Variants in ZNF710 observed in about 807,000 individuals in gnomAD.
ZNF710 encodes the protein zinc finger protein 710.
In ZNF710, 13 loss-of-function variants were observed where a neutral mutation model predicts 50.6. The ratio of observed to expected loss-of-function variants is 0.26; its 90% CI spans 0.17 to 0.41. ZNF710 has a LOEUF of 0.41. ZNF710 is among the 10% of genes least tolerant of loss of function. The pLI is 1.00. For missense variants in ZNF710, 721 were observed against 936.6 expected (o/e 0.77, Z 3.01); for synonymous variants, 383 against 397.0 (o/e 0.96, Z 0.42).
At chr15:90,077,650 G>A (rs954183794) in intron 4 of ZNF710, among the ~76,000 whole-genome samples, 13 of 152,306 alleles carry the variant, frequency 8.5e-5, no homozygotes, top group African/African-American at 3.1e-4. Flanking sequence ...TATGGGTCAA[G>A]TGACCTTGTT....
rs569888388 is a variant in ZNF710, at chr15:90,040,207, C to T, written c.-28-26903C>T. Among the ~76,000 whole-genome samples, 1 of 152,352 alleles carries T rather than the reference C, an allele frequency of 6.6e-6. No homozygotes were observed. The highest frequency in any genetic ancestry group is 2.4e-5 in the African/African-American group (1 of 41,582). The stretch of plus-strand genomic sequence containing the variant: ...GCCTCAGGCCTGTGCACTGTGGCCA[C>T]TGCCTCCTCTGCACGTAGATCATAC... On this transcript the variant is annotated intron_variant, in intron 1 of 4. Transcript: ENST00000268154. The surrounding 1 kb of genome is among the most constrained non-coding windows in gnomAD (Gnocchi z 4.6).
At chr15:90,054,179 A>G (rs1314925679) in intron 1 of ZNF710, among the ~76,000 whole-genome samples, 1 of 152,152 alleles carries the variant, frequency 6.6e-6, no homozygotes, top group Non-Finnish European at 1.5e-5. Context: ...GTACACTGCG[A>G]TGAGGGGAGA....
intron 1 of ZNF710, among the ~76,000 whole-genome samples, chr15:90,065,688 A>G (rs966061474): frequency 6.6e-6 from 1 of 152,166 alleles, no homozygotes; most frequent in African/African-American, 2.4e-5. Flanking sequence ...CCAGCGAGGG[A>G]AGAGGCCGCT....
chr15:90,001,864 G>A (rs951547731), intron 1 of ZNF710, among the ~76,000 whole-genome samples: 1 of 138,254 alleles, frequency 7.2e-6, no homozygotes, highest in Admixed American at 7.1e-5. Flanking sequence ...GGGGAAAGAG[G>A]GAGAGATGGC....
rs11424945 is a variant in ZNF710 at position 90,074,000 on chromosome 15, CA to C, written c.1651-104del. On this transcript the variant is annotated intron_variant, in intron 3 of 4. Coordinates refer to ENST00000268154, the MANE Select transcript of ZNF710 (RefSeq NM_198526.4). ...GTGAGAGTCTGTCTCAAAAAAAAAA[CA>C]AAAAAAAAAAACAAAAGAATAGGAT... 5,656 of 799,438 alleles carry C rather than the reference CA, an allele frequency of 7.1e-3. 2 individuals are homozygous for C. The highest frequency in any genetic ancestry group is 8.1e-3 in the Non-Finnish European group (4,723 of 583,954). The allele number at this position is 799,438 out of a possible 1,614,324, so 49.5% of individuals were successfully genotyped here.
rs77346145 is a variant in ZNF710 at position 90,007,540 on chromosome 15, A to G, written c.-29+5926A>G. ...AGATTGCGGCTCTAAGAATTTGTCA[A>G]ATGTCTTACTGGACTAACCTCACCC... On this transcript the variant is annotated intron_variant, in intron 1 of 4. Coordinates refer to ENST00000268154, the MANE Select transcript of ZNF710 (RefSeq NM_198526.4). Among the ~76,000 whole-genome samples, 881 of 152,092 alleles carry G rather than the reference A, an allele frequency of 5.8e-3. 9 individuals carry two copies. The highest frequency in any genetic ancestry group is 0.021 in the African/African-American group (853 of 41,486).
At chr15:90,053,417 C>T (rs1285695364) in intron 1 of ZNF710, among the ~76,000 whole-genome samples, 4 of 151,534 alleles carry the variant, frequency 2.6e-5, no homozygotes, top group East Asian at 3.9e-4. Flanking sequence ...GGTGTGATCA[C>T]GGCTCACTGC....
At chr15:90,064,303 G>A (rs1900103025) in intron 1 of ZNF710, among the ~76,000 whole-genome samples, 4 of 152,260 alleles carry the variant, frequency 2.6e-5, no homozygotes, top group Admixed American at 2.6e-4. Flanking sequence ...CCAGGCACAA[G>A]CCCTAACCCA....
In ZNF710 at chr15:90,079,999, C is replaced by CT. The variant is rs1900683996; in HGVS notation, c.*171dup. ...TAGGGACCTTTAGACCAAATGGAGA[C>CT]TGTACTACTGGCCCCGGCTGTGAGC... is the stretch of plus-strand genomic sequence containing the variant. On this transcript the variant is annotated 3_prime_UTR_variant, in exon 5 of 5. Coordinates refer to ENST00000268154, the MANE Select transcript of ZNF710 (RefSeq NM_198526.4). 1.7e-6 allele frequency: 1 copy of CT among 595,448 alleles called. No homozygotes were observed. 36.9% of individuals were successfully genotyped at this position (595,448 alleles called of 1,614,324 possible).
intron 1 of ZNF710, among the ~76,000 whole-genome samples, chr15:90,049,001 G>A (rs879590224): frequency 4.6e-5 from 7 of 152,148 alleles, no homozygotes; most frequent in Non-Finnish European, 7.4e-5. Flanking sequence ...TTTTCCAAGT[G>A]TTCGTCCTCT....
intron 1 of ZNF710, chr15:90,045,446 G>A (rs1899429767): frequency 4.2e-6 from 4 of 963,632 alleles, no homozygotes; most frequent in Non-Finnish European, 4.9e-6. Context: ...GCTCTAGTGA[G>A]GTCAACACTG....
At chr15:90,031,962 C>T (rs993596463) in intron 1 of ZNF710, among the ~76,000 whole-genome samples, 3 of 152,236 alleles carry the variant, frequency 2.0e-5, no homozygotes, top group African/African-American at 7.2e-5. Flanking sequence ...GGAAGCCATC[C>T]AGCTACTAAC....
chr15:90,044,367 C>T (rs886880614), intron 1 of ZNF710, among the ~76,000 whole-genome samples: 8 of 152,230 alleles, frequency 5.3e-5, no homozygotes, highest in Non-Finnish European at 1.0e-4. Context: ...AGCGTGGTGT[C>T]GCCATTCCCT....
chr15:90,051,740 T>C (rs1432786647), intron 1 of ZNF710, among the ~76,000 whole-genome samples: 1 of 152,216 alleles, frequency 6.6e-6, no homozygotes, highest in Non-Finnish European at 1.5e-5. Flanking sequence ...ATCACTCAAC[T>C]CCTGTGCCTT....
chr15:90,006,759 C>T (rs1898150947), intron 1 of ZNF710: 1 of 154,808 alleles, frequency 6.5e-6, no homozygotes, highest in Non-Finnish European at 1.5e-5. Flanking sequence ...ATCAGCGTTA[C>T]CTGGTAGTGA....
intron 1 of ZNF710, among the ~76,000 whole-genome samples, chr15:90,015,618 G>A (rs1218074738): frequency 2.1e-5 from 3 of 145,444 alleles, no homozygotes; most frequent in African/African-American, 2.5e-5. Context: ...TTTTTGAGAC[G>A]GGGTCTTGCT....
chr15:90,079,200 AT>A (rs1468019881), intron 4 of ZNF710, among the ~76,000 whole-genome samples: 1 of 152,170 alleles, frequency 6.6e-6, no homozygotes, highest in Non-Finnish European at 1.5e-5. Context: ...GAGCTGCTAA[AT>A]GGGGCTGTTG....
chr15:90,017,822 T>C (rs1270949269), intron 1 of ZNF710, among the ~76,000 whole-genome samples: 1 of 152,098 alleles, frequency 6.6e-6, no homozygotes, highest in African/African-American at 2.4e-5. Context: ...ATATCTGAAA[T>C]AGACTTTAAA....
chr15:90,053,348 C>T (rs964210280), intron 1 of ZNF710, among the ~76,000 whole-genome samples: 11 of 144,664 alleles, frequency 7.6e-5, no homozygotes, highest in Middle Eastern at 3.3e-3. Context: ...CAGTGAATTC[C>T]TTTTTTTTTT....
Sources: allele counts gnomAD v4.1 joint callset (sites outside exome capture counted in the v4.1 genomes callset), GRCh38; gene constraint gnomAD v4.1.1; non-coding constraint Gnocchi (gnomAD v3.1); transcripts MANE v1.5; gene names NCBI Gene and HGNC (gene_info 2026-07-23, HGNC 2026-07-21).